VAC14: variants seen among roughly 807,000 people sequenced by gnomAD.
VAC14 encodes protein VAC14 homolog.
VAC14 carries 47 observed loss-of-function variants against 85.3 expected under a neutral mutation model. The ratio of observed to expected loss-of-function variants is 0.55; its 90% CI spans 0.44 to 0.70. The LOEUF (loss-of-function observed/expected upper bound fraction) is 0.70. Among genes scored for constraint, VAC14 ranks in the 30% least tolerant of loss-of-function variants. The probability of loss-of-function intolerance (pLI) is 0.00; values close to 1 mark genes in which losing one functional copy is unlikely to be tolerated. For synonymous variants in VAC14, 447 were observed against 430.5 expected, an observed-to-expected ratio of 1.04 and a Z score of -0.47; for missense variants, 861 against 1,004.3, an observed-to-expected ratio of 0.86 and a Z score of 1.93.
At chr16:70,688,131 C>G in intron 18 of VAC14, 41 bp from the exon 19 acceptor site, 2 of 1,481,146 alleles carry the variant, frequency 1.4e-6, no homozygotes, top group Non-Finnish European at 1.8e-6. Flanking sequence ...CAGGGATCAG[C>G]TCACAGGGGG....
intron 1 of VAC14, among the ~76,000 whole-genome samples, chr16:70,789,224 A>G (rs2034211485): frequency 6.6e-6 from 1 of 152,258 alleles, no homozygotes; most frequent in Admixed American, 6.5e-5. Context: ...CTCAAACATC[A>G]GAGGGGGAAA....
chr16:70,747,014 C>A (rs1431662798), intron 12 of VAC14: 25 of 152,182 alleles, frequency 1.6e-4, no homozygotes, highest in Admixed American at 1.6e-3. Flanking sequence ...AACGTCTGTG[C>A]ACATCAAACT....
chr16:70,710,219 A>G (rs1310089511), intron 14 of VAC14, among the ~76,000 whole-genome samples: 1 of 152,236 alleles, frequency 6.6e-6, no homozygotes, highest in African/African-American at 2.4e-5. Context: ...TCCCATGAAC[A>G]TGTTCCCATG....
chr16:70,800,097 A>C (rs2034707026), intron 1 of VAC14, among the ~76,000 whole-genome samples: 1 of 152,196 alleles, frequency 6.6e-6, no homozygotes, highest in East Asian at 1.9e-4. Flanking sequence ...TGTGACTGGG[A>C]AAAAACCCAC....
chr16:70,731,199 C>T, intron 14 of VAC14: 2 of 924,860 alleles, frequency 2.2e-6, no homozygotes, highest in Non-Finnish European at 2.7e-6. Context: ...CTCCAAAAGC[C>T]TGACAATGGC....
chr16:70,762,785 A>G lies in VAC14; in HGVS notation c.1305+96T>C, dbSNP rs995097785. The G allele has an allele frequency of 1.9e-6, 3 of 1,581,432 alleles. No homozygotes were observed. Reference sequence around the variant, plus strand: ...CTCTGCCGGCCAGGGTTTCCCTAGAAGGGCAATGACCAAAATGCTACCAAC... The same window carrying G: ...CTCTGCCGGCCAGGGTTTCCCTAGAGGGGCAATGACCAAAATGCTACCAAC... On this transcript the variant is annotated intron_variant, in intron 11 of 18. Coordinates refer to ENST00000261776, the MANE Select transcript of VAC14 (RefSeq NM_018052.5). The surrounding 1 kb of genome is among the most constrained non-coding windows in gnomAD (Gnocchi z 4.1).
chr16:70,785,865 G>A lies in VAC14; in HGVS notation c.260C>T (p.Ser87Leu), dbSNP rs1304865691. ...GATCAGCTCCTTCAGGTAGAGCCCT[G>A]AGTCCTGCAAGGAGGCAGGAGGAGA... ...AACSIALGKD[S>L]GLYLKELIEP... is the part of the protein sequence containing the mutation. The change falls in exon 3 of 19, where the codon TCA becomes TTA. Residue 87 changes from serine to leucine, a missense_variant. By Grantham distance (145) the Ser-to-Leu change is moderately radical. This residue lies in a region of VAC14 where 629 missense variants were observed against 703.1 expected (regional missense o/e 0.89). Transcript: ENST00000261776. The A allele has an allele frequency of 6.2e-7, 1 of 1,604,298 alleles. No individual in the cohort carries two copies. The highest frequency in any genetic ancestry group is 1.1e-5 in the South Asian group (1 of 89,590).
chr16:70,777,059 A>T (rs12927082), intron 9 of VAC14, among the ~76,000 whole-genome samples: 3,207 of 150,674 alleles, frequency 0.021, 50 homozygotes, highest in Non-Finnish European at 0.032. Flanking sequence ...CGCCCACCTC[A>T]GCCTCCCAAA....
At chr16:70,768,513 C>G (rs2032981067) in intron 10 of VAC14, 1 of 284,492 alleles carries the variant, frequency 3.5e-6, no homozygotes, top group African/African-American at 2.3e-5. Context: ...TTCCCATGCT[C>G]TGGAGGGTGG....
intron 14 of VAC14, among the ~76,000 whole-genome samples, chr16:70,700,419 G>A (rs2053802280): frequency 1.3e-5 from 2 of 152,226 alleles, no homozygotes; most frequent in African/African-American, 2.4e-5. Flanking sequence ...GGAGGTGAAG[G>A]CCTCCGCCTG....
chr16:70,691,909 T>G, intron 18 of VAC14: 2 of 985,286 alleles, frequency 2.0e-6, no homozygotes, highest in East Asian at 1.1e-4. Context: ...CGAGGCCCTT[T>G]GCTGGAGCAA....
intron 9 of VAC14, among the ~76,000 whole-genome samples, chr16:70,774,841 G>T (rs1416641667): frequency 2.0e-5 from 3 of 149,430 alleles, no homozygotes; most frequent in Non-Finnish European, 3.0e-5. Context: ...CGCCTCCCGG[G>T]TTCAAATGAT....
At chr16:70,688,462 T>G in intron 18 of VAC14, 4 of 996,472 alleles carry the variant, frequency 4.0e-6, no homozygotes, top group Non-Finnish European at 4.8e-6. Flanking sequence ...GAACAGGGTC[T>G]GGGGAGAAGG....
intron 14 of VAC14, among the ~76,000 whole-genome samples, chr16:70,730,613 T>TC (rs1264235482): frequency 6.7e-6 from 1 of 149,796 alleles, no homozygotes; most frequent in African/African-American, 2.5e-5. Context: ...TTTTTTTTTT[T>TC]TGGAGACAGA....
intron 14 of VAC14, chr16:70,716,614 G>A (rs1299466086): frequency 6.6e-6 from 1 of 152,246 alleles, no homozygotes; most frequent in East Asian, 1.9e-4. Flanking sequence ...CCCTGACTGA[G>A]ACTCTCTGGG....
chr16:70,692,173 G>T, intron 18 of VAC14: 1 of 835,464 alleles, frequency 1.2e-6, no homozygotes, highest in African/African-American at 1.8e-5. Context: ...TGGGTTCAGG[G>T]TGGGAGCCGG....
intron 14 of VAC14, among the ~76,000 whole-genome samples, chr16:70,727,247 G>A (rs1476238037): frequency 6.6e-6 from 1 of 152,218 alleles, no homozygotes; most frequent in Admixed American, 6.5e-5. Flanking sequence ...AGCTAAAGAG[G>A]GGGTTAAGAA....
chr16:70,739,957 GTTT>G (rs2030101820), intron 13 of VAC14, among the ~76,000 whole-genome samples: 1 of 152,164 alleles, frequency 6.6e-6, no homozygotes, highest in East Asian at 1.9e-4. Context: ...GACATGAACA[GTTT>G]TTTTGTTTTA....
chr16:70,774,462 G>A (rs578197045), intron 9 of VAC14, among the ~76,000 whole-genome samples: 1 of 152,256 alleles, frequency 6.6e-6, no homozygotes, highest in African/African-American at 2.4e-5. Context: ...ATCGCCTGAC[G>A]CACAGTGTCT....
Sources: allele counts gnomAD v4.1 joint callset (sites outside exome capture counted in the v4.1 genomes callset), GRCh38; gene constraint gnomAD v4.1.1; regional missense constraint gnomAD v4.1.1; non-coding constraint Gnocchi (gnomAD v3.1); transcripts MANE v1.5; gene names NCBI Gene and HGNC (gene_info 2026-07-23, HGNC 2026-07-21).